Variants in TMTC3 observed in about 807,000 individuals in gnomAD.
TMTC3 encodes the protein protein O-mannosyl-transferase TMTC3.
Under a neutral mutation model 92.2 loss-of-function variants are expected in TMTC3, and 52 were observed. That is an observed-to-expected ratio of 0.56 (90% CI 0.45 to 0.71). The LOEUF (loss-of-function observed/expected upper bound fraction) is 0.71, where lower values mean the gene tolerates loss of function less well. Among genes scored for constraint, TMTC3 ranks in the 30% least tolerant of loss-of-function variants. The pLI is 0.00. For missense variants in TMTC3, 896 were observed against 1,057.1 expected (o/e 0.85, Z 2.11); for synonymous variants, 339 against 363.3 (o/e 0.93, Z 0.76).
At position 88,165,549 on chromosome 12, in the gene TMTC3, T is replaced by A. The variant is rs1040418390; in HGVS notation, c.798-781T>A. 2.6e-5 allele frequency among the ~76,000 whole-genome samples: 4 copies of A among 152,226 alleles called. No homozygotes were observed. The South Asian group carries it at 6.2e-4, about 24-fold the overall frequency. On this transcript the variant is annotated intron_variant, in intron 6 of 13. Coordinates refer to ENST00000266712, the MANE Select transcript of TMTC3 (RefSeq NM_181783.4). ...GTCAAATAAGTGGCAGTAGTTGATT[T>A]TCCTTGGCTTACTCATCTTAAAATG...
chr12:88,192,143 T>C (rs1279605726), intron 12 of TMTC3, among the ~76,000 whole-genome samples: 2 of 151,728 alleles, frequency 1.3e-5, no homozygotes, highest in African/African-American at 4.9e-5. Context: ...GAGCCTTCTA[T>C]TATACATTCA....
intron 10 of TMTC3, among the ~76,000 whole-genome samples, chr12:88,186,836 C>T (rs2041382989): frequency 6.6e-6 from 1 of 151,984 alleles, no homozygotes; most frequent in African/African-American, 2.4e-5. Context: ...TGCATCTCTG[C>T]TCTTTGAAAA....
At chr12:88,183,432 C>T (rs979280416) in intron 10 of TMTC3, among the ~76,000 whole-genome samples, 1 of 152,144 alleles carries the variant, frequency 6.6e-6, no homozygotes, top group African/African-American at 2.4e-5. Flanking sequence ...AATGCTGCTA[C>T]CTAAGACAGG....
intron 4 of TMTC3, among the ~76,000 whole-genome samples, chr12:88,157,393 T>A (rs574387340): frequency 1.4e-3 from 209 of 151,918 alleles, no homozygotes; most frequent in Non-Finnish European, 1.6e-3. Flanking sequence ...ACTTCTATAT[T>A]CATGTCCCAT....
intron 10 of TMTC3, among the ~76,000 whole-genome samples, chr12:88,181,438 A>C (rs2041317094): frequency 6.6e-6 from 1 of 152,040 alleles, no homozygotes; most frequent in Non-Finnish European, 1.5e-5. Context: ...GTAGGTTGAA[A>C]TTGTTTAGTT....
At position 88,174,669 on chromosome 12, in the gene TMTC3, CAT is replaced by C; in HGVS notation, c.1263_1264del (p.Phe422ProfsTer9). Reference sequence around the variant, plus strand: ...GTGATACTCACTCATTCCTTAAAAACATTCCACAGAAATTGGGATTGGGAGTC... The same window carrying C: ...GTGATACTCACTCATTCCTTAAAAACTCCACAGAAATTGGGATTGGGAGTC... On this transcript the variant is annotated frameshift_variant, in exon 9 of 14. Transcript: ENST00000266712. LOFTEE classifies it high-confidence loss of function. 6.2e-7 allele frequency: 1 copy of C among 1,612,494 alleles called. No individual in the cohort carries two copies. Among genetic ancestry groups the C allele is most frequent in the Non-Finnish European group, 8.5e-7 (1 of 1,179,022 alleles).
chr12:88,178,533 T>A (rs1047355547), intron 10 of TMTC3, among the ~76,000 whole-genome samples: 1 of 152,020 alleles, frequency 6.6e-6, no homozygotes, highest in Admixed American at 6.5e-5. Flanking sequence ...TAGTGCTATA[T>A]TTTATTTATT....
At chr12:88,183,220 CAG>C (rs2041337699) in intron 10 of TMTC3, among the ~76,000 whole-genome samples, 1 of 152,100 alleles carries the variant, frequency 6.6e-6, no homozygotes, top group African/African-American at 2.4e-5. Context: ...AGAGCCATGT[CAG>C]GGGGAGGAGA....
chr12:88,179,802 A>T (rs61209341), intron 10 of TMTC3, among the ~76,000 whole-genome samples: 17,788 of 152,194 alleles, frequency 0.12, 1,361 homozygotes, highest in Middle Eastern at 0.32. Flanking sequence ...GGTAATAAAC[A>T]TTGTCAACCC....
At chr12:88,151,383 C>T (rs969643720) in intron 2 of TMTC3, among the ~76,000 whole-genome samples, 1 of 152,166 alleles carries the variant, frequency 6.6e-6, no homozygotes, top group Non-Finnish European at 1.5e-5. Context: ...TCATTCATTA[C>T]ACTGTTGTGT....
chr12:88,145,339 C>A (rs1217251239), intron 1 of TMTC3, among the ~76,000 whole-genome samples: 1 of 152,188 alleles, frequency 6.6e-6, no homozygotes, highest in Non-Finnish European at 1.5e-5. Context: ...CTGCTTGCTG[C>A]ACACTCATTC....
chr12:88,172,555 A>G, intron 7 of TMTC3, 42 bp from the exon 8 acceptor site: 1 of 1,108,254 alleles, frequency 9.0e-7, no homozygotes, highest in Non-Finnish European at 1.2e-6. Context: ...AAATTATTTT[A>G]AATTTATTAT....
Position 88,195,513 on chromosome 12 carries a change from C to T in TMTC3, c.2609C>T (p.Ser870Phe), listed in dbSNP as rs775588756. 6.2e-7 allele frequency: 1 copy of T among 1,613,222 alleles called. No individual in the cohort carries two copies. The highest frequency in any genetic ancestry group is 1.7e-5 in the Admixed American group (1 of 59,880). The change falls in exon 14 of 14, where the codon TCC (serine) becomes TTC (phenylalanine). Residue 870 changes from serine (S) to phenylalanine (F), a missense_variant. Coordinates refer to ENST00000266712, the MANE Select transcript of TMTC3 (RefSeq NM_181783.4). The part of the protein sequence containing the change: ...KTSDNKSQSK[S>F]NKQLGKNGDE... ...AGTGATAATAAAAGTCAGTCTAAATCCAACAAACAATTAGGAAAAAATGGA... is the reference window on the plus strand; with the variant it reads ...AGTGATAATAAAAGTCAGTCTAAATTCAACAAACAATTAGGAAAAAATGGA...
chr12:88,159,461 G>T (rs2041050034), intron 4 of TMTC3, among the ~76,000 whole-genome samples: 1 of 152,010 alleles, frequency 6.6e-6, no homozygotes, highest in African/African-American at 2.4e-5. Context: ...AAGAGTTTGA[G>T]ACCAGCCTGA....
rs543152962 is a variant in TMTC3, at chr12:88,199,396, A to G, written c.*3747A>G. ...TATATGATATATTGTATATATTAAT[A>G]TATTTAAATTGCTTAGAGTTTCTAG... On this transcript the variant is annotated 3_prime_UTR_variant, in exon 14 of 14. Coordinates refer to ENST00000266712, the MANE Select transcript of TMTC3 (RefSeq NM_181783.4). 6.7e-6 allele frequency: 1 copy of G among 150,112 alleles called. No homozygotes were observed. Among genetic ancestry groups the G allele is most frequent in the Admixed American group, 6.6e-5 (1 of 15,150 alleles). 9.3% of individuals were successfully genotyped at this position (150,112 alleles called of 1,614,324 possible). A position where few individuals can be genotyped will look rare whatever the true frequency, so the allele number is the denominator to read the frequency against.
chr12:88,183,543 T>C (rs1271972651), intron 10 of TMTC3, among the ~76,000 whole-genome samples: 2 of 152,068 alleles, frequency 1.3e-5, no homozygotes, highest in Admixed American at 6.6e-5. Context: ...TGCCCTTTAC[T>C]GGTGGGGCTG....
chr12:88,198,568 T>C lies in TMTC3; in HGVS notation c.*2919T>C, dbSNP rs1444646864. 1 of 395,122 alleles carries C rather than the reference T, an allele frequency of 2.5e-6. No individual in the cohort carries two copies. The highest frequency in any genetic ancestry group is 4.5e-6 in the Non-Finnish European group (1 of 223,968). The allele number at this position is 395,122 out of a possible 1,614,324, so 24.5% of individuals were successfully genotyped here. On this transcript the variant is annotated 3_prime_UTR_variant, in exon 14 of 14. Coordinates refer to ENST00000266712, the MANE Select transcript of TMTC3 (RefSeq NM_181783.4). ...GAGTAGTTTTCTGAAATTGGTAACT[T>C]GGAGAGTAAAATAACGTATTTTGCT...
intron 6 of TMTC3, among the ~76,000 whole-genome samples, chr12:88,164,665 A>T (rs1349653378): frequency 6.6e-6 from 1 of 152,210 alleles, no homozygotes; most frequent in Non-Finnish European, 1.5e-5. Context: ...AATGAAATTT[A>T]TACTATTTCC....
At chr12:88,145,084 T>C (rs1027497308) in intron 1 of TMTC3, among the ~76,000 whole-genome samples, 12 of 152,190 alleles carry the variant, frequency 7.9e-5, no homozygotes, top group African/African-American at 2.9e-4. Context: ...TTGTTCTCTG[T>C]AGCAATGAAT....
Sources: allele counts gnomAD v4.1 joint callset (sites outside exome capture counted in the v4.1 genomes callset), GRCh38; gene constraint gnomAD v4.1.1; transcripts MANE v1.5; gene names NCBI Gene and HGNC (gene_info 2026-07-23, HGNC 2026-07-21).